Variants in DCUN1D3 observed in about 807,000 individuals in gnomAD.
The protein encoded by DCUN1D3 is defective in cullin neddylation 1 domain containing 3.
In DCUN1D3, 6 loss-of-function variants were observed where a neutral mutation model predicts 24.8. The ratio of observed to expected loss-of-function variants is 0.24; its 90% confidence interval spans 0.13 to 0.48. DCUN1D3 has a LOEUF of 0.48. Among genes scored for constraint, DCUN1D3 ranks in the 20% least tolerant of loss-of-function variants. The pLI is 0.99. For missense variants in DCUN1D3, 258 were observed against 379.4 expected (o/e 0.68, Z 2.66); for synonymous variants, 120 against 144.9 (o/e 0.83, Z 1.24).
Position 20,859,515 on chromosome 16 carries a change from C to T in DCUN1D3, c.*371G>A, listed in dbSNP as rs79514157. 3,064 of 180,178 alleles carry T rather than the reference C, an allele frequency of 0.017. 142 individuals carry two copies. Among genetic ancestry groups the T allele is most frequent in the African/African-American group, 0.072 (2,898 of 40,148 alleles). The allele number at this position is 180,178 out of a possible 1,614,324, so 11.2% of individuals were successfully genotyped here. On this transcript the variant is annotated 3_prime_UTR_variant, in exon 3 of 3. Coordinates refer to ENST00000324344, the MANE Select transcript of DCUN1D3 (RefSeq NM_173475.4). ...ATTCAACCTAACAGTCCCATCCCCC[C>T]GCCCTGCTCTATGCCCTCCCCTACC...
At chr16:20,863,458 G>T (rs1217589212) in intron 1 of DCUN1D3, among the ~76,000 whole-genome samples, 1 of 152,180 alleles carries the variant, frequency 6.6e-6, no homozygotes, top group Admixed American at 6.5e-5. Flanking sequence ...AGAAGGACTG[G>T]GGCCGGTTGC....
chr16:20,887,929 T>C (rs117173072), intron 1 of DCUN1D3, among the ~76,000 whole-genome samples: 4,187 of 152,290 alleles, frequency 0.027, 80 homozygotes, highest in Non-Finnish European at 0.043. Flanking sequence ...ACAGGCTCCA[T>C]AGGGTTTCAG....
rs559458572 is a variant in DCUN1D3 at position 20,889,088 on chromosome 16, C to T, written c.-106+11116G>A. Among the ~76,000 whole-genome samples, 10 of 152,192 alleles carry T rather than the reference C, an allele frequency of 6.6e-5. No individual in the cohort carries two copies. The East Asian group carries it at 1.2e-3, about 18-fold the overall frequency. On this transcript the variant is annotated intron_variant, in intron 1 of 2. Transcript: ENST00000324344. ...ACTAAAAACACAAAAATTAGCCGGGCGTGGTGGCACATGCCTGTAGTCCCA... is the reference window on the plus strand; with the variant it reads ...ACTAAAAACACAAAAATTAGCCGGGTGTGGTGGCACATGCCTGTAGTCCCA...
chr16:20,872,351 G>A (rs1224756019), intron 1 of DCUN1D3, among the ~76,000 whole-genome samples: 1 of 152,062 alleles, frequency 6.6e-6, no homozygotes, highest in Non-Finnish European at 1.5e-5. Context: ...GCATCCAAAT[G>A]TCTTAAAGGG....
intron 1 of DCUN1D3, 118 bp downstream of exon 1, chr16:20,900,086 G>C (rs1472326680): frequency 6.6e-6 from 1 of 152,050 alleles, no homozygotes; most frequent in Non-Finnish European, 1.5e-5. Flanking sequence ...TCCAGACAAC[G>C]CGCTGACTTC....
intron 1 of DCUN1D3, among the ~76,000 whole-genome samples, chr16:20,886,596 A>C (rs1343385456): frequency 6.6e-6 from 1 of 152,212 alleles, no homozygotes; most frequent in African/African-American, 2.4e-5. Context: ...TCCATGTTTA[A>C]ATCTTCAACT....
intron 1 of DCUN1D3, among the ~76,000 whole-genome samples, chr16:20,887,572 C>T (rs140297317): frequency 6.6e-6 from 1 of 152,308 alleles, no homozygotes; most frequent in African/African-American, 2.4e-5. Flanking sequence ...TAGACTAGAA[C>T]TAAGGACTTA....
At chr16:20,875,453 A>G (rs1473003443) in intron 1 of DCUN1D3, among the ~76,000 whole-genome samples, 2 of 152,202 alleles carry the variant, frequency 1.3e-5, no homozygotes, top group Admixed American at 1.3e-4. Flanking sequence ...TGGATGCAAA[A>G]TGACTAGGTT....
chr16:20,894,210 C>T (rs377542808), intron 1 of DCUN1D3, among the ~76,000 whole-genome samples: 102 of 152,170 alleles, frequency 6.7e-4, no homozygotes, highest in African/African-American at 2.4e-3. Context: ...TCGAGGCTGC[C>T]GTGAGCCTTG....
intron 1 of DCUN1D3, among the ~76,000 whole-genome samples, chr16:20,866,791 C>A (rs2081764177): frequency 6.6e-6 from 1 of 152,102 alleles, no homozygotes; most frequent in African/African-American, 2.4e-5. Context: ...TGGTCTAAAC[C>A]CAGAAGAAAA....
At chr16:20,862,702 C>T in intron 1 of DCUN1D3, 59 bp from the exon 2 acceptor site, 4 of 1,420,118 alleles carry the variant, frequency 2.8e-6, no homozygotes, top group Non-Finnish European at 9.3e-7. Flanking sequence ...ATGGACCCTA[C>T]CTTCTAGGGT....
At chr16:20,893,040 T>G (rs1290256348) in intron 1 of DCUN1D3, among the ~76,000 whole-genome samples, 1 of 152,154 alleles carries the variant, frequency 6.6e-6, no homozygotes, top group East Asian at 1.9e-4. Flanking sequence ...CAATTAAACT[T>G]TATCGGGTGC....
At chr16:20,890,733 A>T (rs2081888612) in intron 1 of DCUN1D3, among the ~76,000 whole-genome samples, 1 of 152,122 alleles carries the variant, frequency 6.6e-6, no homozygotes, top group Non-Finnish European at 1.5e-5. Flanking sequence ...TGTTGGAATG[A>T]TATAATTAAT....
intron 1 of DCUN1D3, among the ~76,000 whole-genome samples, chr16:20,895,591 T>C (rs1171324477): frequency 6.6e-6 from 1 of 152,214 alleles, no homozygotes; most frequent in African/African-American, 2.4e-5. Context: ...TCCCCCAGGA[T>C]ACCAAGGGGA....
intron 1 of DCUN1D3, among the ~76,000 whole-genome samples, chr16:20,874,278 T>G (rs555050281): frequency 5.9e-5 from 9 of 152,344 alleles, no homozygotes; most frequent in Non-Finnish European, 1.0e-4. Flanking sequence ...CCCAAGTTCA[T>G]GAAAGCTGTC....
intron 1 of DCUN1D3, among the ~76,000 whole-genome samples, chr16:20,876,539 T>C (rs747894193): frequency 4.0e-5 from 6 of 151,172 alleles, no homozygotes; most frequent in Non-Finnish European, 7.4e-5. Flanking sequence ...TGGAAAACAG[T>C]ATAAAGGGCC....
chr16:20,880,364 C>G (rs1596636237), intron 1 of DCUN1D3, among the ~76,000 whole-genome samples: 1 of 152,046 alleles, frequency 6.6e-6, no homozygotes, highest in East Asian at 1.9e-4. Context: ...CTTTGGGAGA[C>G]CAAGGCAGGA....
intron 1 of DCUN1D3, among the ~76,000 whole-genome samples, chr16:20,872,202 T>C (rs1319258665): frequency 6.6e-6 from 1 of 152,204 alleles, no homozygotes; most frequent in Non-Finnish European, 1.5e-5. Flanking sequence ...TTCTGAGAAC[T>C]TGGGAGTCAG....
chr16:20,879,660 G>C (rs994034486), intron 1 of DCUN1D3, among the ~76,000 whole-genome samples: 1 of 152,126 alleles, frequency 6.6e-6, no homozygotes, highest in South Asian at 2.1e-4. Context: ...CGCTCTGGTG[G>C]AACTAGATGA....
Sources: gnomAD v4.1 joint callset for allele counts (sites outside exome capture counted in the v4.1 genomes callset) on GRCh38, gnomAD v4.1.1 for gene constraint, MANE v1.5 for transcripts, NCBI Gene and HGNC (gene_info 2026-07-23, HGNC 2026-07-21) for gene names.